DDR2: variants seen among roughly 807,000 people sequenced by gnomAD.
DDR2 encodes the protein discoidin domain-containing receptor 2.
DDR2 carries 27 observed loss-of-function variants against 94.9 expected under a neutral mutation model. That is an observed-to-expected ratio of 0.28 (90% CI 0.21 to 0.39). The LOEUF (loss-of-function observed/expected upper bound fraction) is 0.39. DDR2 is among the 10% of genes least tolerant of loss of function. The probability of loss-of-function intolerance (pLI) is 1.00; values close to 1 mark genes in which losing one functional copy is unlikely to be tolerated. For missense variants in DDR2, 783 were observed against 1,076.0 expected, an observed-to-expected ratio of 0.73 and a Z score of 3.81; for synonymous variants, 382 against 377.2, an observed-to-expected ratio of 1.01 and a Z score of -0.15.
At chr1:162,696,850 C>G (rs550832242) in intron 2 of DDR2, among the ~76,000 whole-genome samples, 9 of 152,250 alleles carry the variant, frequency 5.9e-5, no homozygotes, top group Non-Finnish European at 1.2e-4. Flanking sequence ...GGAAAGACCC[C>G]CGCTTGTCTG....
intron 7 of DDR2, among the ~76,000 whole-genome samples, chr1:162,758,950 G>A (rs754303609): frequency 2.4e-4 from 37 of 152,202 alleles, no homozygotes; most frequent in Non-Finnish European, 3.5e-4. Context: ...GAGCCTCTTC[G>A]TGTTCTCTAA....
At chr1:162,683,861 T>C (rs1490127695) in intron 2 of DDR2, among the ~76,000 whole-genome samples, 2 of 151,936 alleles carry the variant, frequency 1.3e-5, no homozygotes, top group East Asian at 3.9e-4. Context: ...AGCAACGTTG[T>C]TTTTTTTAAA....
chr1:162,648,454 G>A (rs1251913924), intron 1 of DDR2, among the ~76,000 whole-genome samples: 2 of 152,106 alleles, frequency 1.3e-5, no homozygotes, highest in African/African-American at 2.4e-5. Flanking sequence ...ACATTAAATA[G>A]AGCTTTGGAT....
At chr1:162,780,077 C>G (rs759327344) in intron 17 of DDR2, 35 bp from the exon 18 acceptor site, 11 of 1,613,302 alleles carry the variant, frequency 6.8e-6, no homozygotes, top group African/African-American at 4.0e-5. Flanking sequence ...CTCTCTCTCT[C>G]TCTCTTTTGT....
At chr1:162,634,477 C>G (rs976015169) in intron 1 of DDR2, among the ~76,000 whole-genome samples, 3 of 152,202 alleles carry the variant, frequency 2.0e-5, no homozygotes, top group African/African-American at 7.2e-5. Context: ...TCGGTAAACA[C>G]AGAACGTCAT....
At chr1:162,741,673 T>G in intron 3 of DDR2, 3 of 985,070 alleles carry the variant, frequency 3.0e-6, no homozygotes, top group Non-Finnish European at 3.6e-6. Context: ...CCCCAGGAGG[T>G]GCCTGAGGGA....
intron 3 of DDR2, among the ~76,000 whole-genome samples, chr1:162,726,782 C>T (rs929139269): frequency 6.6e-6 from 1 of 152,068 alleles, no homozygotes; most frequent in African/African-American, 2.4e-5. Flanking sequence ...ACAGTGTTGG[C>T]AGGAGCAGAC....
At chr1:162,722,310 A>G (rs1305101122) in intron 3 of DDR2, among the ~76,000 whole-genome samples, 1 of 152,196 alleles carries the variant, frequency 6.6e-6, no homozygotes, top group Non-Finnish European at 1.5e-5. Context: ...AGCATTGTCA[A>G]TGGGGCCTGG....
At chr1:162,770,841 G>C (rs1664234288) in intron 12 of DDR2, 4 of 384,620 alleles carry the variant, frequency 1.0e-5, no homozygotes, top group Middle Eastern at 1.5e-3. Context: ...GGGAAAGTGA[G>C]AAAGTCCAGA....
At chr1:162,700,855 T>C (rs577217794) in intron 2 of DDR2, among the ~76,000 whole-genome samples, 1 of 152,344 alleles carries the variant, frequency 6.6e-6, no homozygotes, top group Non-Finnish European at 1.5e-5. Flanking sequence ...TTATAGCTAC[T>C]GGTTGAGACA....
intron 16 of DDR2, chr1:162,777,995 C>T (rs1360069551): frequency 6.2e-6 from 1 of 160,206 alleles, no homozygotes; most frequent in Admixed American, 6.0e-5. Context: ...GGCTGGGCAA[C>T]ATAATGAGAC....
intron 14 of DDR2, among the ~76,000 whole-genome samples, chr1:162,774,955 T>C (rs1571323094): frequency 6.6e-6 from 1 of 152,208 alleles, no homozygotes; most frequent in African/African-American, 2.4e-5. Context: ...GTTTTGGGAA[T>C]GTGGGCTAGA....
At chr1:162,747,347 C>T (rs371353657) in intron 3 of DDR2, among the ~76,000 whole-genome samples, 40 of 152,236 alleles carry the variant, frequency 2.6e-4, no homozygotes, top group African/African-American at 9.4e-4. Context: ...GAGCTGAAAA[C>T]CATGGCACGA....
intron 2 of DDR2, among the ~76,000 whole-genome samples, chr1:162,662,407 T>A (rs1040470188): frequency 1.3e-5 from 2 of 152,208 alleles, no homozygotes; most frequent in African/African-American, 4.8e-5. Context: ...CTTCCCTGAA[T>A]CTGCAGGTTA....
chr1:162,728,174 A>C (rs2102052773), intron 3 of DDR2, among the ~76,000 whole-genome samples: 1 of 145,766 alleles, frequency 6.9e-6, no homozygotes, highest in Non-Finnish European at 1.5e-5. Flanking sequence ...ATATAGATAG[A>C]TATCTCTTTA....
chr1:162,711,128 T>C (rs1660892860), intron 2 of DDR2, among the ~76,000 whole-genome samples: 1 of 152,230 alleles, frequency 6.6e-6, no homozygotes, highest in African/African-American at 2.4e-5. Context: ...CATGTCTTGC[T>C]TTTTACACAA....
At chr1:162,752,196 A>G (rs1400688707) in intron 3 of DDR2, among the ~76,000 whole-genome samples, 1 of 152,184 alleles carries the variant, frequency 6.6e-6, no homozygotes, top group African/African-American at 2.4e-5. Flanking sequence ...TCCGAAATTT[A>G]AATTTAACTA....
intron 1 of DDR2, among the ~76,000 whole-genome samples, chr1:162,652,642 G>A (rs1558006503): frequency 6.6e-6 from 1 of 152,196 alleles, no homozygotes; most frequent in Non-Finnish European, 1.5e-5. Context: ...TGAGTGCTGA[G>A]TACCCACTAT....
intron 16 of DDR2, 64 bp downstream of exon 16, chr1:162,776,434 G>A (rs922133399): frequency 7.3e-6 from 11 of 1,516,186 alleles, no homozygotes; most frequent in South Asian, 2.3e-5. Context: ...TGCATGACAC[G>A]TGGAGACAAA....
Sources: allele counts gnomAD v4.1 joint callset (sites outside exome capture counted in the v4.1 genomes callset), GRCh38; gene constraint gnomAD v4.1.1; transcripts MANE v1.5; gene names NCBI Gene and HGNC (gene_info 2026-07-23, HGNC 2026-07-21).